Variants in ATP8B4 observed in about 807,000 individuals in gnomAD.
ATP8B4 encodes the protein ATPase phospholipid transporting 8B4 (putative).
A neutral mutation model predicts 145.6 loss-of-function variants in ATP8B4; 133 were observed. That is an observed-to-expected ratio of 0.91 (90% CI 0.79 to 1.05). ATP8B4 has a LOEUF of 1.05. Among genes scored for constraint, ATP8B4 ranks in the 50% least tolerant of loss-of-function variants. The probability of loss-of-function intolerance (pLI) is 0.00; values close to 1 mark genes in which losing one functional copy is unlikely to be tolerated. For missense variants in ATP8B4, 1,458 were observed against 1,425.2 expected (o/e 1.02, Z -0.37); for synonymous variants, 507 against 492.9 (o/e 1.03, Z -0.38).
chr15:49,901,098 G>A lies in ATP8B4; in HGVS notation c.2283C>T (p.His761=), dbSNP rs966581186. Reference sequence around the variant, plus strand: ...AAACCTTAGGCAAACTCACCAAACTGTGGCCATTTATGATTAAGGCATAAT... The same window carrying A: ...AAACCTTAGGCAAACTCACCAAACTATGGCCATTTATGATTAAGGCATAAT... ...TGDYALIING[H]SLAHALESDV... Residue 761 remains histidine, a synonymous_variant, in exon 21 of 28, where the codon CAC becomes CAT. Transcript: ENST00000284509. 1 of 1,612,482 alleles carries A rather than the reference G, an allele frequency of 6.2e-7. No homozygotes were observed. Among genetic ancestry groups the A allele is most frequent in the Non-Finnish European group, 8.5e-7 (1 of 1,179,220 alleles).
chr15:50,013,561 T>C (rs560894947), intron 6 of ATP8B4, among the ~76,000 whole-genome samples: 2 of 152,266 alleles, frequency 1.3e-5, no homozygotes, highest in Non-Finnish European at 2.9e-5. Flanking sequence ...TAGAATCCGT[T>C]TTTTTAAATA....
chr15:49,958,488 A>AT (rs2043782749), intron 14 of ATP8B4, among the ~76,000 whole-genome samples: 2 of 151,728 alleles, frequency 1.3e-5, no homozygotes, highest in Non-Finnish European at 3.0e-5. Flanking sequence ...TCATGGAAGA[A>AT]GGGGCAACTA....
chr15:50,011,633 T>C (rs947926533), intron 6 of ATP8B4, among the ~76,000 whole-genome samples: 1 of 152,186 alleles, frequency 6.6e-6, no homozygotes, highest in Non-Finnish European at 1.5e-5. Context: ...ATTGTGTCCA[T>C]TGAATTTGGC....
At chr15:50,073,011 TATATATATACACACACAC>T (rs1309629311) in intron 3 of ATP8B4, among the ~76,000 whole-genome samples, 27 of 44,792 alleles carry the variant, frequency 6.0e-4, no homozygotes, top group South Asian at 2.8e-3. Context: ...TATATATATA[TATATATATACACACACAC>T]ACACACACAC....
At chr15:49,872,870 C>G (rs1244628468) in intron 25 of ATP8B4, among the ~76,000 whole-genome samples, 1 of 152,030 alleles carries the variant, frequency 6.6e-6, no homozygotes, top group Non-Finnish European at 1.5e-5. Context: ...ATCTGTGGCT[C>G]AGTTAATAGT....
At chr15:50,091,987 G>A (rs970025908) in intron 2 of ATP8B4, among the ~76,000 whole-genome samples, 1 of 152,082 alleles carries the variant, frequency 6.6e-6, no homozygotes, top group Non-Finnish European at 1.5e-5. Flanking sequence ...CGGAAGAAAA[G>A]AGAAATGTAT....
chr15:49,979,651 G>C lies in ATP8B4; in HGVS notation c.1000C>G (p.Leu334Val). The C allele has an allele frequency of 6.3e-7, 1 of 1,591,514 alleles. No homozygotes were observed. The highest frequency in any genetic ancestry group is 8.6e-7 in the Non-Finnish European group (1 of 1,165,050). The change falls in exon 12 of 28, where the codon CTC becomes GTC. Residue 334 changes from leucine to valine, a missense_variant. Transcript: ENST00000284509. Reference sequence around the variant, plus strand: ...AAGGAAATGGGTACAACTGTATTGAGAATAATAATATATGACCAGAATGTT... The same window carrying C: ...AAGGAAATGGGTACAACTGTATTGACAATAATAATATATGACCAGAATGTT... ...FLTFWSYIIILNTVVPISLYV... is the reference protein window; with the variant it reads ...FLTFWSYIIIVNTVVPISLYV...
intron 1 of ATP8B4, among the ~76,000 whole-genome samples, chr15:50,142,442 C>T (rs2044224884): frequency 6.6e-6 from 1 of 152,138 alleles, no homozygotes; most frequent in Admixed American, 6.6e-5. Context: ...TGTCACGCCC[C>T]TTCCCACTCA....
chr15:50,126,000 C>G (rs1302285432), intron 1 of ATP8B4, among the ~76,000 whole-genome samples: 3 of 152,122 alleles, frequency 2.0e-5, no homozygotes, highest in Non-Finnish European at 2.9e-5. Context: ...TCTGCCCTAA[C>G]AAGAATCCTT....
chr15:50,038,088 A>G (rs1281144355), intron 6 of ATP8B4, among the ~76,000 whole-genome samples: 1 of 152,184 alleles, frequency 6.6e-6, no homozygotes, highest in Non-Finnish European at 1.5e-5. Flanking sequence ...ACTTTGCCAC[A>G]TTATCATTAG....
At chr15:49,930,397 A>G (rs1255774868) in intron 16 of ATP8B4, among the ~76,000 whole-genome samples, 1 of 152,076 alleles carries the variant, frequency 6.6e-6, no homozygotes, top group Non-Finnish European at 1.5e-5. Flanking sequence ...TAGAATATCT[A>G]TTGTGAAAAT....
intron 1 of ATP8B4, among the ~76,000 whole-genome samples, chr15:50,170,501 C>CA (rs1045747928): frequency 7.0e-6 from 1 of 142,884 alleles, no homozygotes; most frequent in African/African-American, 2.6e-5. Context: ...CCAAACCCCC[C>CA]CCACCCTCCA....
At chr15:50,172,115 C>G (rs1370219397) in intron 1 of ATP8B4, among the ~76,000 whole-genome samples, 1 of 152,166 alleles carries the variant, frequency 6.6e-6, no homozygotes, top group Non-Finnish European at 1.5e-5. Context: ...AGTATTCTAC[C>G]AGACATTCAA....
intron 6 of ATP8B4, among the ~76,000 whole-genome samples, chr15:50,036,555 G>A (rs1292074602): frequency 1.3e-5 from 2 of 152,218 alleles, no homozygotes; most frequent in African/African-American, 4.8e-5. Context: ...TGAAAAGCCA[G>A]TCTCCATAGC....
chr15:49,979,904 T>C (rs1203197150), intron 11 of ATP8B4, 91 bp from the exon 12 acceptor site: 21 of 906,948 alleles, frequency 2.3e-5, no homozygotes, highest in Non-Finnish European at 3.1e-5. Context: ...CTCCAAGAAA[T>C]AGTCATTTGA....
intron 14 of ATP8B4, among the ~76,000 whole-genome samples, chr15:49,955,396 A>T (rs191253003): frequency 6.6e-6 from 1 of 152,338 alleles, no homozygotes; most frequent in Admixed American, 6.5e-5. Flanking sequence ...ATTGTTGAGG[A>T]TGTAGAAAGA....
rs2031197219 is a variant in ATP8B4, at chr15:49,859,220, T to C, written c.*974A>G. On this transcript the variant is annotated 3_prime_UTR_variant, in exon 28 of 28. Transcript: ENST00000284509. ...ATCAAAAGCAACTAATTTTAAACAA[T>C]CTAAACCTGAGTTTTTAAATAGTAA... 1 of 152,240 alleles carries C rather than the reference T, an allele frequency of 6.6e-6. No individual in the cohort carries two copies. Among genetic ancestry groups the C allele is most frequent in the Admixed American group, 6.5e-5 (1 of 15,286 alleles). 9.4% of individuals were successfully genotyped at this position (152,240 alleles called of 1,614,324 possible). A position where few individuals can be genotyped will look rare whatever the true frequency, so the allele number is the denominator to read the frequency against.
intron 12 of ATP8B4, among the ~76,000 whole-genome samples, chr15:49,977,735 A>G (rs956342320): frequency 6.6e-6 from 1 of 152,196 alleles, no homozygotes; most frequent in Non-Finnish European, 1.5e-5. Context: ...GAAAGAATGC[A>G]TAAGAAAGTA....
intron 14 of ATP8B4, among the ~76,000 whole-genome samples, chr15:49,937,759 A>T (rs1202016217): frequency 6.6e-6 from 1 of 152,248 alleles, no homozygotes; most frequent in Non-Finnish European, 1.5e-5. Flanking sequence ...TCCAGTACTG[A>T]ACACACATAT....
Sources: gnomAD v4.1 joint callset for allele counts (sites outside exome capture counted in the v4.1 genomes callset) on GRCh38, gnomAD v4.1.1 for gene constraint, MANE v1.5 for transcripts, NCBI Gene and HGNC (gene_info 2026-07-23, HGNC 2026-07-21) for gene names.